The following CTNNA3 variants were observed in gnomAD, a reference collection of about 807,000 sequenced individuals.
The protein encoded by CTNNA3 is catenin alpha 3, also known as catenin alpha-3.
A neutral mutation model predicts 95.7 loss-of-function variants in CTNNA3; 76 were observed. The ratio of observed to expected loss-of-function variants is 0.79; its 90% CI spans 0.66 to 0.96. The LOEUF (loss-of-function observed/expected upper bound fraction) is 0.96, where lower values mean the gene tolerates loss of function less well. Ranked by LOEUF, CTNNA3 falls within the 40% of genes least tolerant of loss-of-function variation. The probability of loss-of-function intolerance (pLI) is 0.00; values close to 1 mark genes in which losing one functional copy is unlikely to be tolerated. For synonymous variants in CTNNA3, 431 were observed against 374.4 expected, an observed-to-expected ratio of 1.15 and a Z score of -1.74; for missense variants, 1,191 against 1,089.8, an observed-to-expected ratio of 1.09 and a Z score of -1.31.
rs183518625 is a variant in CTNNA3 at position 67,151,208 on chromosome 10, T to C, written c.1047+29109A>G. On this transcript the variant is annotated intron_variant, in intron 7 of 17. Coordinates refer to ENST00000433211, the MANE Select transcript of CTNNA3 (RefSeq NM_013266.4). ...GGCTATCTCCCTCAAAATAATTCAA[T>C]TAGGAATACAGAACATTAAAGAGAA... 6.3e-3 allele frequency among the ~76,000 whole-genome samples: 960 copies of C among 152,304 alleles called. 10 individuals carry two copies. Among genetic ancestry groups the C allele is most frequent in the African/African-American group, 0.022 (913 of 41,564 alleles).
chr10:67,752,768 T>C (rs1438312266), intron 1 of CTNNA3, among the ~76,000 whole-genome samples: 2 of 152,052 alleles, frequency 1.3e-5, no homozygotes, highest in African/African-American at 4.8e-5. Flanking sequence ...TAAAAAGGGA[T>C]GTGAAGGACC....
At chr10:66,572,987 A>C (rs2659992) in intron 10 of CTNNA3, among the ~76,000 whole-genome samples, 145,450 of 152,194 alleles carry the variant, frequency 0.96, 69,924 homozygotes, top group Non-Finnish European at 0.99. Context: ...CCCCTAATGA[A>C]AAATGGAATG....
chr10:67,252,667 T>C (rs564520617), intron 5 of CTNNA3, among the ~76,000 whole-genome samples: 1 of 152,292 alleles, frequency 6.6e-6, no homozygotes, highest in African/African-American at 2.4e-5. Flanking sequence ...CATTGTGACA[T>C]ACCGTTAGGC....
At chr10:66,188,809 G>A (rs10822742) in intron 13 of CTNNA3, among the ~76,000 whole-genome samples, 2 of 151,770 alleles carry the variant, frequency 1.3e-5, no homozygotes, top group African/African-American at 4.8e-5. Context: ...CAGCTATACT[G>A]TTTTCCACAA....
At chr10:67,004,406 CT>C (rs1388644585) in intron 7 of CTNNA3, among the ~76,000 whole-genome samples, 3 of 152,194 alleles carry the variant, frequency 2.0e-5, no homozygotes, top group Admixed American at 6.5e-5. Context: ...TCTTGCTTCC[CT>C]GTTAAAATGA....
At chr10:67,639,867 A>T (rs1464271974) in intron 2 of CTNNA3, among the ~76,000 whole-genome samples, 2 of 152,226 alleles carry the variant, frequency 1.3e-5, no homozygotes, top group South Asian at 4.1e-4. Flanking sequence ...CAACATAATA[A>T]GAGCTATTTA....
At position 66,775,515 on chromosome 10, in the gene CTNNA3, T is replaced by C; in HGVS notation, c.1057A>G (p.Lys353Glu). The change falls in exon 8 of 18, where the codon AAA becomes GAA. Residue 353 changes from lysine (K) to glutamate (E), a missense_variant. By Grantham distance (56) the Lys-to-Glu change is moderately conservative. Coordinates refer to ENST00000433211, the MANE Select transcript of CTNNA3 (RefSeq NM_013266.4). ...LSEYMNNAGK[K>E]ERSNTLNIAL... is the part of the protein sequence containing the mutation. ...ATATTCAGGGTATTACTCCTTTCTTTTTTTCCAGCCTGCAAAGAAGAAAAA... is the reference window on the plus strand; with the variant it reads ...ATATTCAGGGTATTACTCCTTTCTTCTTTTCCAGCCTGCAAAGAAGAAAAA... 6.2e-7 allele frequency: 1 copy of C among 1,609,034 alleles called. No individual in the cohort carries two copies. Among genetic ancestry groups the C allele is most frequent in the Non-Finnish European group, 8.5e-7 (1 of 1,177,838 alleles).
At chr10:67,759,493 T>C (rs949613420) in intron 1 of CTNNA3, among the ~76,000 whole-genome samples, 8 of 152,300 alleles carry the variant, frequency 5.3e-5, no homozygotes, top group African/African-American at 1.9e-4. Flanking sequence ...ATTTTCATAA[T>C]ACAATTGTGT....
At chr10:66,579,531 T>C (rs1843115528) in intron 10 of CTNNA3, among the ~76,000 whole-genome samples, 1 of 151,768 alleles carries the variant, frequency 6.6e-6, no homozygotes, top group Admixed American at 6.6e-5. Context: ...GACTTAGAGG[T>C]ATTGTTTTTA....
chr10:66,698,855 C>G (rs1420721321), intron 9 of CTNNA3, among the ~76,000 whole-genome samples: 4 of 152,100 alleles, frequency 2.6e-5, no homozygotes, highest in Non-Finnish European at 4.4e-5. Flanking sequence ...AAGATTTATG[C>G]TTCAAGCAAT....
intron 15 of CTNNA3, among the ~76,000 whole-genome samples, chr10:66,009,571 T>A (rs568965603): frequency 1.1e-4 from 17 of 152,196 alleles, no homozygotes; most frequent in Non-Finnish European, 1.9e-4. Context: ...GAAAAGAACA[T>A]CTTATAGCCA....
At position 66,616,731 on chromosome 10, in the gene CTNNA3, A is replaced by G. The variant is rs77110463; in HGVS notation, c.1374+4961T>C. Reference sequence around the variant, plus strand: ...ACAAATAGAAACTCAGGGCCACCCTATTAGCTCCTCCTGACCCAGGACTTA... The same window carrying G: ...ACAAATAGAAACTCAGGGCCACCCTGTTAGCTCCTCCTGACCCAGGACTTA... On this transcript the variant is annotated intron_variant, in intron 10 of 17. Transcript: ENST00000433211. Among the ~76,000 whole-genome samples the G allele has an allele frequency of 1.2e-3, 189 of 152,154 alleles. 2 individuals carry two copies. In the East Asian group the frequency reaches 0.034, roughly 27 times the overall value.
intron 1 of CTNNA3, among the ~76,000 whole-genome samples, chr10:67,716,686 G>A (rs1478686718): frequency 6.6e-6 from 1 of 152,164 alleles, no homozygotes; most frequent in African/African-American, 2.4e-5. Flanking sequence ...ATTCCATGGT[G>A]TGTATGTGCC....
At chr10:65,933,110 A>G (rs1273219230) in intron 17 of CTNNA3, among the ~76,000 whole-genome samples, 1 of 152,084 alleles carries the variant, frequency 6.6e-6, no homozygotes, top group Non-Finnish European at 1.5e-5. Context: ...CTAACTGTTC[A>G]ATTTGAATAT....
intron 13 of CTNNA3, among the ~76,000 whole-genome samples, chr10:66,233,012 T>G (rs988001925): frequency 6.6e-6 from 1 of 151,420 alleles, no homozygotes; most frequent in African/African-American, 2.4e-5. Flanking sequence ...CAACAAAAAT[T>G]AGCCGGGCGT....
intron 10 of CTNNA3, among the ~76,000 whole-genome samples, chr10:66,554,770 G>C (rs924468192): frequency 1.3e-5 from 2 of 151,986 alleles, no homozygotes; most frequent in African/African-American, 4.8e-5. Context: ...CTCATTAACA[G>C]AATAAGTATA....
intron 2 of CTNNA3, among the ~76,000 whole-genome samples, chr10:67,644,659 A>AAAT (rs1839648660): frequency 1.3e-5 from 2 of 152,000 alleles, no homozygotes; most frequent in Non-Finnish European, 2.9e-5. Flanking sequence ...TTTGATAAGG[A>AAAT]GAATCCCATT....
intron 7 of CTNNA3, among the ~76,000 whole-genome samples, chr10:67,148,160 A>C (rs1239985970): frequency 6.6e-6 from 1 of 152,202 alleles, no homozygotes; most frequent in Non-Finnish European, 1.5e-5. Context: ...CCCACTGGGG[A>C]AAAATTGGAT....
chr10:66,113,847 G>A (rs566107935), intron 13 of CTNNA3, among the ~76,000 whole-genome samples: 41 of 152,256 alleles, frequency 2.7e-4, no homozygotes, highest in African/African-American at 8.9e-4. Flanking sequence ...GGACTATGTA[G>A]GATGATGTGA....
Sources: allele counts gnomAD v4.1 joint callset (sites outside exome capture counted in the v4.1 genomes callset), GRCh38; gene constraint gnomAD v4.1.1; transcripts MANE v1.5; gene names NCBI Gene and HGNC (gene_info 2026-07-23, HGNC 2026-07-21).